FRMD4A: variants seen among roughly 807,000 people sequenced by gnomAD.
The protein encoded by FRMD4A is FERM domain containing 4A, also known as FERM domain-containing protein 4A.
Under a neutral mutation model 129.1 loss-of-function variants are expected in FRMD4A, and 29 were observed. That is an observed-to-expected ratio of 0.22 (90% confidence interval 0.17 to 0.31). FRMD4A has a LOEUF of 0.31. Ranked by LOEUF, FRMD4A falls within the 10% of genes least tolerant of loss-of-function variation. The pLI is 1.00. For missense variants in FRMD4A, 1,272 were observed against 1,375.8 expected, an observed-to-expected ratio of 0.92 and a Z score of 1.19; for synonymous variants, 634 against 571.6, an observed-to-expected ratio of 1.11 and a Z score of -1.56.
intron 2 of FRMD4A, among the ~76,000 whole-genome samples, chr10:13,893,788 G>A (rs1392444789): frequency 6.6e-6 from 1 of 152,198 alleles, no homozygotes; most frequent in Non-Finnish European, 1.5e-5. Flanking sequence ...TGGGATTACA[G>A]GCGTGAGCCA....
chr10:13,801,469 G>C (rs984036504), intron 4 of FRMD4A, among the ~76,000 whole-genome samples: 1 of 152,218 alleles, frequency 6.6e-6, no homozygotes, highest in Non-Finnish European at 1.5e-5. Flanking sequence ...TGGAGAGGCA[G>C]ACTTTCCCAA....
rs563861558 is a variant in FRMD4A, at chr10:14,023,606, A to G, written c.46-164694T>C. Among the ~76,000 whole-genome samples, 3 of 152,304 alleles carry G rather than the reference A, an allele frequency of 2.0e-5. No individual in the cohort carries two copies. The South Asian group carries it at 6.2e-4, about 32-fold the overall frequency. ...TCTTGCAGTTCCCTAAACCCCTATGAACAACACAGAACGAACAGACCCGTG... is the reference window on the plus strand; with the variant it reads ...TCTTGCAGTTCCCTAAACCCCTATGGACAACACAGAACGAACAGACCCGTG... On this transcript the variant is annotated intron_variant, in intron 2 of 24. Coordinates refer to ENST00000357447, the MANE Select transcript of FRMD4A (RefSeq NM_018027.5).
intron 12 of FRMD4A, among the ~76,000 whole-genome samples, chr10:13,733,017 G>C (rs1273626775): frequency 6.6e-6 from 1 of 152,246 alleles, no homozygotes; most frequent in Non-Finnish European, 1.5e-5. Context: ...AGATGTCCCA[G>C]CAGCTTCAGA....
chr10:13,729,768 C>A (rs1364618868), intron 12 of FRMD4A, among the ~76,000 whole-genome samples: 1 of 152,142 alleles, frequency 6.6e-6, no homozygotes, highest in East Asian at 1.9e-4. Flanking sequence ...ATAAAAGCCC[C>A]CCTAATTGCA....
intron 2 of FRMD4A, among the ~76,000 whole-genome samples, chr10:14,058,321 C>T (rs941606782): frequency 6.6e-6 from 1 of 152,138 alleles, no homozygotes; most frequent in African/African-American, 2.4e-5. Context: ...TTATCATTTG[C>T]TACATGTTTG....
At position 14,067,176 on chromosome 10, in the gene FRMD4A, C is replaced by T. The variant is rs377214358; in HGVS notation, c.46-208264G>A. 2.4e-4 allele frequency among the ~76,000 whole-genome samples: 37 copies of T among 151,786 alleles called. No homozygotes were observed. In the East Asian group the frequency reaches 5.1e-3, roughly 21 times the overall value. On this transcript the variant is annotated intron_variant, in intron 2 of 24. Coordinates refer to ENST00000357447, the MANE Select transcript of FRMD4A (RefSeq NM_018027.5). ...AATAAAAATACAAAAATTAGCTGGG[C>T]GTGGTGGCGGGTGCCTGTAATCCAA... is the stretch of plus-strand genomic sequence containing the variant.
At chr10:14,128,815 C>T (rs1242391233) in intron 2 of FRMD4A, among the ~76,000 whole-genome samples, 1 of 152,136 alleles carries the variant, frequency 6.6e-6, no homozygotes, top group Non-Finnish European at 1.5e-5. Context: ...AGCATGGCCT[C>T]AGCACTCCTT....
intron 2 of FRMD4A, among the ~76,000 whole-genome samples, chr10:14,131,096 C>T (rs754375493): frequency 6.6e-6 from 1 of 152,148 alleles, no homozygotes; most frequent in South Asian, 2.1e-4. Flanking sequence ...TATAATTGGC[C>T]CTGTTACACC....
chr10:14,011,316 C>G (rs1390832733), intron 2 of FRMD4A, among the ~76,000 whole-genome samples: 1 of 152,078 alleles, frequency 6.6e-6, no homozygotes, highest in Non-Finnish European at 1.5e-5. Context: ...GAGTTGGGCA[C>G]AGGGGACGGA....
rs1202296494 is a variant in FRMD4A at position 13,660,218 on chromosome 10, G to A, written c.1898+98C>T. On this transcript the variant is annotated intron_variant, in intron 20 of 24. Transcript: ENST00000357447. Reference sequence around the variant, plus strand: ...CCCCACGGGGAGGAACTAGGTTGATGTGGATTTTGTCACCGTGGATGCTAC... The same window carrying A: ...CCCCACGGGGAGGAACTAGGTTGATATGGATTTTGTCACCGTGGATGCTAC... 12 of 791,644 alleles carry A rather than the reference G, an allele frequency of 1.5e-5. No individual in the cohort carries two copies. The East Asian group carries it at 3.0e-4, about 20-fold the overall frequency. 49.0% of individuals were successfully genotyped at this position (791,644 alleles called of 1,614,324 possible). A position where few individuals can be genotyped will look rare whatever the true frequency, so the allele number is the denominator to read the frequency against.
At chr10:13,789,343 G>A (rs1052902099) in intron 5 of FRMD4A, among the ~76,000 whole-genome samples, 9 of 152,100 alleles carry the variant, frequency 5.9e-5, no homozygotes, top group Non-Finnish European at 8.8e-5. Context: ...CTTCCTCCCC[G>A]ATCGGACTTC....
At chr10:13,775,511 C>A (rs1428969914) in intron 6 of FRMD4A, among the ~76,000 whole-genome samples, 1 of 152,124 alleles carries the variant, frequency 6.6e-6, no homozygotes, top group Admixed American at 6.5e-5. Context: ...ATGCCAGTAT[C>A]CAAACATTTT....
At chr10:13,779,560 T>C (rs2092685658) in intron 6 of FRMD4A, among the ~76,000 whole-genome samples, 1 of 152,150 alleles carries the variant, frequency 6.6e-6, no homozygotes, top group Admixed American at 6.6e-5. Flanking sequence ...TTTACCCAGG[T>C]AAGAGGTAGA....
At chr10:14,277,278 C>T (rs1845374880) in intron 2 of FRMD4A, among the ~76,000 whole-genome samples, 1 of 152,174 alleles carries the variant, frequency 6.6e-6, no homozygotes, top group African/African-American at 2.4e-5. Flanking sequence ...AGGCTCTGGT[C>T]TGAGTAATTA....
intron 2 of FRMD4A, among the ~76,000 whole-genome samples, chr10:14,281,369 G>A (rs779244310): frequency 2.0e-5 from 3 of 152,240 alleles, no homozygotes; most frequent in Non-Finnish European, 2.9e-5. Flanking sequence ...AGGGAAGACA[G>A]CCATCAATTG....
intron 2 of FRMD4A, among the ~76,000 whole-genome samples, chr10:14,047,599 C>A (rs1337643602): frequency 1.3e-5 from 2 of 152,182 alleles, no homozygotes; most frequent in Non-Finnish European, 2.9e-5. Flanking sequence ...TCCTCCTGTT[C>A]CCAGAACCCA....
intron 2 of FRMD4A, among the ~76,000 whole-genome samples, chr10:14,085,388 C>T (rs188368849): frequency 5.9e-5 from 9 of 152,312 alleles, no homozygotes; most frequent in Admixed American, 3.3e-4. Flanking sequence ...CCCAGCAGGA[C>T]GTTGGCTTTC....
chr10:13,701,630 CACACATGCGCACACAG>C (rs1310483774), intron 13 of FRMD4A, 152 bp from the exon 14 acceptor site: 7 of 628,464 alleles, frequency 1.1e-5, no homozygotes, highest in Non-Finnish European at 2.0e-5. Context: ...CGTACACACA[CACACATGCGCACACAG>C]CTTACAGACA....
At chr10:14,151,994 G>A (rs1006453155) in intron 2 of FRMD4A, among the ~76,000 whole-genome samples, 2 of 152,048 alleles carry the variant, frequency 1.3e-5, no homozygotes, top group Non-Finnish European at 2.9e-5. Flanking sequence ...AGACAGAGAG[G>A]GGAGGGGACG....
Sources: gnomAD v4.1 joint callset for allele counts (sites outside exome capture counted in the v4.1 genomes callset) on GRCh38, gnomAD v4.1.1 for gene constraint, MANE v1.5 for transcripts, NCBI Gene and HGNC (gene_info 2026-07-23, HGNC 2026-07-21) for gene names.